Variants in AIFM2 observed in about 807,000 individuals in gnomAD.
The protein encoded by AIFM2 is ferroptosis suppressor protein 1.
A neutral mutation model predicts 35.7 loss-of-function variants in AIFM2; 38 were observed. The observed-to-expected ratio is 1.06, with a 90% CI of 0.82 to 1.39. The LOEUF (loss-of-function observed/expected upper bound fraction) is 1.39, where lower values mean the gene tolerates loss of function less well. AIFM2 is among the 40% of genes most tolerant of loss of function. The pLI is 0.00. For synonymous variants in AIFM2, 185 were observed against 203.5 expected (o/e 0.91, Z 0.77); for missense variants, 476 against 491.2 (o/e 0.97, Z 0.29).
chr10:70,118,956 G>A (rs1476602753), intron 5 of AIFM2, among the ~76,000 whole-genome samples: 1 of 152,188 alleles, frequency 6.6e-6, no homozygotes, highest in African/African-American at 2.4e-5. Context: ...GACCAAGCCA[G>A]CTTAGAAGTC....
At chr10:70,126,960 C>T (rs999831644) in intron 1 of AIFM2, among the ~76,000 whole-genome samples, 1 of 152,218 alleles carries the variant, frequency 6.6e-6, no homozygotes, top group African/African-American at 2.4e-5. Flanking sequence ...TCCTCTAAGC[C>T]CTCAGAAGGG....
chr10:70,124,896 G>A (rs564994487), intron 1 of AIFM2, among the ~76,000 whole-genome samples: 1 of 152,310 alleles, frequency 6.6e-6, no homozygotes, highest in East Asian at 1.9e-4. Context: ...TGCTTCTAGG[G>A]TTTGAATATG....
chr10:70,120,258 A>G (rs74139273), intron 5 of AIFM2, among the ~76,000 whole-genome samples: 2 of 152,368 alleles, frequency 1.3e-5, no homozygotes, highest in East Asian at 3.9e-4. Context: ...GTTGGAGCAG[A>G]GGGCAGGACC....
chr10:70,121,862 C>T (rs1029110331), intron 3 of AIFM2, among the ~76,000 whole-genome samples: 3 of 150,616 alleles, frequency 2.0e-5, no homozygotes, highest in Non-Finnish European at 4.4e-5. Context: ...GAGACCAAGG[C>T]GGGCGGATCA....
intron 1 of AIFM2, among the ~76,000 whole-genome samples, chr10:70,126,022 G>A (rs1480632441): frequency 6.6e-6 from 1 of 152,272 alleles, no homozygotes; most frequent in Non-Finnish European, 1.5e-5. Flanking sequence ...GCCCCAGACA[G>A]AGGAGGGCCC....
intron 1 of AIFM2, among the ~76,000 whole-genome samples, chr10:70,126,660 C>T (rs966456805): frequency 5.9e-5 from 9 of 152,178 alleles, no homozygotes; most frequent in South Asian, 2.1e-4. Flanking sequence ...TTCCCCAAGA[C>T]GGTCCCCAAA....
chr10:70,112,334 G>A lies in AIFM2; in HGVS notation c.*1844C>T, dbSNP rs1238944143. On this transcript the variant is annotated 3_prime_UTR_variant, in exon 9 of 9. Coordinates refer to ENST00000307864, the MANE Select transcript of AIFM2 (RefSeq NM_032797.6). The stretch of plus-strand genomic sequence containing the variant: ...AGTTTGGAAAACTGTGTCCCCACAC[G>A]TAGGTCCTTCTAGAATATTGTAAGT... The A allele has an allele frequency of 6.6e-6, 1 of 152,282 alleles. No individual in the cohort carries two copies. The highest frequency in any genetic ancestry group is 2.1e-4 in the South Asian group (1 of 4,830). 9.4% of individuals were successfully genotyped at this position (152,282 alleles called of 1,614,324 possible). A position where few individuals can be genotyped will look rare whatever the true frequency, so the allele number is the denominator to read the frequency against.
chr10:70,120,497 C>G lies in AIFM2; in HGVS notation c.507+10G>C, dbSNP rs770847068. ...CACTTAGAGCTCCAAGGCAAGGCAG[C>G]CTGGCTCACCTCTTTCTCAGGATAT... On this transcript the variant is annotated intron_variant, in intron 5 of 8. Coordinates refer to ENST00000307864, the MANE Select transcript of AIFM2 (RefSeq NM_032797.6). The G allele has an allele frequency of 5.6e-6, 9 of 1,614,170 alleles. No homozygotes were observed. The highest frequency in any genetic ancestry group is 7.6e-6 in the Non-Finnish European group (9 of 1,180,004).
At position 70,123,863 on chromosome 10, in the gene AIFM2, C is replaced by T. The variant is rs759725207; in HGVS notation, c.178+44G>A. On this transcript the variant is annotated intron_variant, in intron 2 of 8. Coordinates refer to ENST00000307864, the MANE Select transcript of AIFM2 (RefSeq NM_032797.6). Reference sequence around the variant, plus strand: ...CTAAAATCAAGCCCCAGAGCAGAGACAAGACCCCCCTCACAGAGACAGCCC... The same window carrying T: ...CTAAAATCAAGCCCCAGAGCAGAGATAAGACCCCCCTCACAGAGACAGCCC... 5 of 1,491,462 alleles carry T rather than the reference C, an allele frequency of 3.4e-6. No homozygotes were observed. The East Asian group carries it at 9.5e-5, about 28-fold the overall frequency. 92.4% of individuals were successfully genotyped at this position (1,491,462 alleles called of 1,614,324 possible). A position where few individuals can be genotyped will look rare whatever the true frequency, so the allele number is the denominator to read the frequency against.
chr10:70,125,437 CAAAAAAAAAAAAAAAAAAAA>C (rs199638586), intron 1 of AIFM2, among the ~76,000 whole-genome samples: 16 of 67,952 alleles, frequency 2.4e-4, no homozygotes, highest in Admixed American at 1.8e-4. Flanking sequence ...TCTGTCTCTA[CAAAAAAAAAAAAAAAAAAAA>C]AAAAAAAAAA....
At chr10:70,130,453 T>C (rs1039000607) in intron 1 of AIFM2, among the ~76,000 whole-genome samples, 15 of 152,230 alleles carry the variant, frequency 9.9e-5, no homozygotes, top group Admixed American at 9.8e-4. Context: ...CTGATCATCA[T>C]GTTTTCAAGG....
chr10:70,125,026 C>T (rs2072549794), intron 1 of AIFM2, among the ~76,000 whole-genome samples: 1 of 152,162 alleles, frequency 6.6e-6, no homozygotes, highest in African/African-American at 2.4e-5. Flanking sequence ...GCTGCAAGTT[C>T]AAGCTCTTCC....
chr10:70,123,799 C>T, intron 2 of AIFM2, 108 bp downstream of exon 2: 1 of 1,209,040 alleles, frequency 8.3e-7, no homozygotes, highest in South Asian at 1.7e-5. Context: ...CAGTGGAATG[C>T]AGGCACTTGG....
intron 7 of AIFM2, 68 bp downstream of exon 7, chr10:70,116,554 T>G (rs1468665655): frequency 1.3e-6 from 2 of 1,594,672 alleles, no homozygotes; most frequent in Admixed American, 3.3e-5. Context: ...GGGCAAGCAC[T>G]GCAGGGCATT....
At chr10:70,125,926 T>TG (rs1337480368) in intron 1 of AIFM2, among the ~76,000 whole-genome samples, 1 of 152,242 alleles carries the variant, frequency 6.6e-6, no homozygotes, top group Non-Finnish European at 1.5e-5. Flanking sequence ...TCAACAGCCT[T>TG]GGGCCCTACA....
chr10:70,125,239 T>A (rs527654412), intron 1 of AIFM2, among the ~76,000 whole-genome samples: 56 of 152,170 alleles, frequency 3.7e-4, no homozygotes, highest in African/African-American at 1.3e-3. Context: ...GAACTAAGAC[T>A]GTGATCATGG....
intron 1 of AIFM2, among the ~76,000 whole-genome samples, 195 bp downstream of exon 1, chr10:70,132,539 T>A (rs1203604251): frequency 2.0e-5 from 3 of 152,078 alleles, no homozygotes; most frequent in Non-Finnish European, 4.4e-5. Flanking sequence ...CCCTGTTGCG[T>A]TTTTTGGGGG....
rs989972660 is a variant in AIFM2 at position 70,117,378 on chromosome 10, C to T, written c.616+434G>A. ...TTTCCAGCATTTGCTGGGTGGGTCT[C>T]GTCCCCTGCTCTACAAGAAGGCCAC... On this transcript the variant is annotated intron_variant, in intron 6 of 8. Transcript: ENST00000307864. This position sits in a 1 kb window ranked among gnomAD's most constrained non-coding sequence, Gnocchi z 4.7. Among the ~76,000 whole-genome samples the T allele has an allele frequency of 2.0e-5, 3 of 152,160 alleles. No homozygotes were observed. Among genetic ancestry groups the T allele is most frequent in the African/African-American group, 4.8e-5 (2 of 41,436 alleles).
intron 1 of AIFM2, among the ~76,000 whole-genome samples, chr10:70,124,795 ACCAGATTCAGC>A (rs1450768417): frequency 6.6e-6 from 1 of 152,186 alleles, no homozygotes; most frequent in African/African-American, 2.4e-5. Flanking sequence ...AAACACCGCA[ACCAGATTCAGC>A]CCAGCTCACA....
Sources: allele counts gnomAD v4.1 joint callset (sites outside exome capture counted in the v4.1 genomes callset), GRCh38; gene constraint gnomAD v4.1.1; non-coding constraint Gnocchi (gnomAD v3.1); transcripts MANE v1.5; gene names NCBI Gene and HGNC (gene_info 2026-07-23, HGNC 2026-07-21).